The following TPGS1 variants were observed in gnomAD, a reference collection of about 807,000 sequenced individuals.
TPGS1 encodes the protein tubulin polyglutamylase complex subunit 1.
In TPGS1, 18 loss-of-function variants were observed where a neutral mutation model predicts 11.9. That is an observed-to-expected ratio of 1.51 (90% CI 1.04 to 2.24). The LOEUF (loss-of-function observed/expected upper bound fraction) is 2.24, where lower values mean the gene tolerates loss of function less well. Ranked by LOEUF, TPGS1 falls within the 30% of genes most tolerant of loss-of-function variation. The pLI, the probability that TPGS1 is intolerant of heterozygous loss-of-function variation, is 0.00. For missense variants in TPGS1, 500 were observed against 443.0 expected (o/e 1.13, Z -1.16); for synonymous variants, 247 against 218.2 (o/e 1.13, Z -1.16).
intron 1 of TPGS1, among the ~76,000 whole-genome samples, chr19:513,050 CG>C (rs1978847647): frequency 6.6e-6 from 1 of 152,220 alleles, no homozygotes; most frequent in Non-Finnish European, 1.5e-5. Flanking sequence ...GCAAAGCCGC[CG>C]CCGAGACGCT....
chr19:519,246 C>T lies in TPGS1; in HGVS notation c.696C>T (p.Ser232=), dbSNP rs1333830745. 8.1e-7 allele frequency: 1 copy of T among 1,229,112 alleles called. No individual in the cohort carries two copies. Among genetic ancestry groups the T allele is most frequent in the East Asian group, 3.4e-5 (1 of 29,236 alleles). The allele number at this position is 1,229,112 out of a possible 1,614,324, so 76.1% of individuals were successfully genotyped here. ...LDTLEGALQA[S]DAAAPARFLE... ...CCCTGGAGGGCGCGCTGCAGGCCAG[C>T]GACGCCGCCGCGCCCGCGCGCTTCC... is the stretch of plus-strand genomic sequence containing the variant. The change falls in exon 2 of 2, where the codon AGC becomes AGT. Residue 232 remains serine (S), a synonymous_variant. Coordinates refer to ENST00000359315, the MANE Select transcript of TPGS1 (RefSeq NM_033513.3).
Position 507,849 on chromosome 19 carries a change from G to C in TPGS1, c.338+5G>C. ...CCTGGCCCACCACTCCCAGAGGTGC[G>C]CAGTGGGCCGGCTTGGGCGGGTGGG... On this transcript the variant is annotated splice_donor_5th_base_variant and intron_variant, in intron 1 of 1. Coordinates refer to ENST00000359315, the MANE Select transcript of TPGS1 (RefSeq NM_033513.3). 1 of 1,324,476 alleles carries C rather than the reference G, an allele frequency of 7.6e-7. No individual in the cohort carries two copies. Among genetic ancestry groups the C allele is most frequent in the Non-Finnish European group, 9.6e-7 (1 of 1,037,608 alleles). 82.0% of individuals were successfully genotyped at this position (1,324,476 alleles called of 1,614,324 possible). A position where few individuals can be genotyped will look rare whatever the true frequency, so the allele number is the denominator to read the frequency against.
Position 507,540 on chromosome 19 carries a change from C to A in TPGS1, c.34C>A (p.Pro12Thr). 7.0e-7 allele frequency: 1 copy of A among 1,418,472 alleles called. No homozygotes were observed. Among genetic ancestry groups the A allele is most frequent in the Non-Finnish European group, 9.2e-7 (1 of 1,082,340 alleles). The allele number at this position is 1,418,472 out of a possible 1,614,324, so 87.9% of individuals were successfully genotyped here. Residue 12 changes from proline (P) to threonine (T), a missense_variant, in exon 1 of 2, where the codon CCA becomes ACA. Physicochemically the swap from Pro to Thr is conservative, Grantham distance 38. Transcript: ENST00000359315. Reference sequence around the variant, plus strand: ...AGTGGAGAAGCGGCGGCAAGCGGTACCACCGCCGGCCGGTTTCACGGACAG... The same window carrying A: ...AGTGGAGAAGCGGCGGCAAGCGGTAACACCGCCGGCCGGTTTCACGGACAG... ...AAVEKRRQAV[P>T]PPAGFTDSGR...
At chr19:511,104 C>T (rs1005373592) in intron 1 of TPGS1, among the ~76,000 whole-genome samples, 1 of 152,218 alleles carries the variant, frequency 6.6e-6, no homozygotes, top group Admixed American at 6.5e-5. Context: ...GTGTAGGAGC[C>T]GACACAGACG....
rs1266170054 is a variant in TPGS1 at position 519,081 on chromosome 19, G to T, written c.531G>T (p.Pro177=). The T allele has an allele frequency of 2.0e-6, 3 of 1,533,652 alleles. No homozygotes were observed. The highest frequency in any genetic ancestry group is 2.5e-5 in the East Asian group (1 of 40,542). The part of the protein sequence containing the change: ...KVQCRDHEAV[P]LSVFRAGTLT... Reference sequence around the variant, plus strand: ...AGTGCCGTGACCACGAGGCGGTGCCGCTGAGCGTCTTCCGCGCGGGCACAC... The same window carrying T: ...AGTGCCGTGACCACGAGGCGGTGCCTCTGAGCGTCTTCCGCGCGGGCACAC... Residue 177 remains proline (P), a synonymous_variant, in exon 2 of 2, where the codon CCG becomes CCT. Coordinates refer to ENST00000359315, the MANE Select transcript of TPGS1 (RefSeq NM_033513.3).
At chr19:512,546 G>A (rs984908857) in intron 1 of TPGS1, among the ~76,000 whole-genome samples, 3 of 151,912 alleles carry the variant, frequency 2.0e-5, no homozygotes, top group Non-Finnish European at 2.9e-5. Flanking sequence ...GTAGCACGAT[G>A]GCTCTTAACA....
rs537150561 is a variant in TPGS1, at chr19:515,852, G to A, written c.339-3037G>A. Among the ~76,000 whole-genome samples, 51 of 152,052 alleles carry A rather than the reference G, an allele frequency of 3.4e-4. 1 individual carries two copies. The highest frequency in any genetic ancestry group is 1.2e-3 in the African/African-American group (50 of 41,488). ...TCGAGACCATCCCGGCTAAAACGGT[G>A]AAACCCCGTCTCTACTAAAAATACA... On this transcript the variant is annotated intron_variant, in intron 1 of 1. Coordinates refer to ENST00000359315, the MANE Select transcript of TPGS1 (RefSeq NM_033513.3).
chr19:518,781 G>A, intron 1 of TPGS1, 108 bp from the exon 2 acceptor site: 1 of 1,248,366 alleles, frequency 8.0e-7, no homozygotes, highest in Non-Finnish European at 1.0e-6. Flanking sequence ...GGAGGCCAGG[G>A]CTGGCTGGGG....
chr19:512,417 C>T (rs1189786635), intron 1 of TPGS1, among the ~76,000 whole-genome samples: 8 of 152,230 alleles, frequency 5.3e-5, no homozygotes, highest in African/African-American at 1.9e-4. Context: ...CCTGCCTCGG[C>T]CTCCCAAAGT....
intron 1 of TPGS1, among the ~76,000 whole-genome samples, chr19:511,632 A>G (rs1978798287): frequency 6.6e-6 from 1 of 152,262 alleles, no homozygotes; most frequent in Non-Finnish European, 1.5e-5. Flanking sequence ...GGCCTGGGCC[A>G]GGCACAGAGC....
Position 519,069 on chromosome 19 carries a change from C to T in TPGS1, c.519C>T (p.His173=), listed in dbSNP as rs1293203029. 5 of 1,535,956 alleles carry T rather than the reference C, an allele frequency of 3.3e-6. No individual in the cohort carries two copies. Among genetic ancestry groups the T allele is most frequent in the Non-Finnish European group, 2.6e-6 (3 of 1,147,394 alleles). Residue 173 remains histidine, a synonymous_variant, in exon 2 of 2, where the codon CAC becomes CAT. Transcript: ENST00000359315. ...TGCGCAAGGTGCAGTGCCGTGACCA[C>T]GAGGCGGTGCCGCTGAGCGTCTTCC... is the stretch of plus-strand genomic sequence containing the variant. The part of the protein sequence containing the change: ...PLLRKVQCRD[H]EAVPLSVFRA...
intron 1 of TPGS1, among the ~76,000 whole-genome samples, chr19:516,019 G>A (rs1484845722): frequency 3.4e-5 from 5 of 146,338 alleles, no homozygotes; most frequent in East Asian, 2.0e-4. Flanking sequence ...GCGACAGAGC[G>A]AGACTCCGTC....
In TPGS1 at chr19:519,447, G is replaced by A; in HGVS notation, c.*24G>A. 3 of 1,201,236 alleles carry A rather than the reference G, an allele frequency of 2.5e-6. No homozygotes were observed. The highest frequency in any genetic ancestry group is 1.0e-6 in the Non-Finnish European group (1 of 967,102). 74.4% of individuals were successfully genotyped at this position (1,201,236 alleles called of 1,614,324 possible). A position where few individuals can be genotyped will look rare whatever the true frequency, so the allele number is the denominator to read the frequency against. ...GAGGCCCGTGGGCCGCGCGGATCCG[G>A]GATCTGCGCTGGGGGGTCCCCGCGT... On this transcript the variant is annotated 3_prime_UTR_variant, in exon 2 of 2. Transcript: ENST00000359315.
chr19:517,384 G>A, intron 1 of TPGS1, among the ~76,000 whole-genome samples: 1 of 44,634 alleles, frequency 2.2e-5, no homozygotes, highest in Non-Finnish European at 4.4e-5. Flanking sequence ...GCTGGGTGGA[G>A]GCTGGGAGGG....
In TPGS1 at chr19:519,351, GC is replaced by G; in HGVS notation, c.804del (p.Met269Ter). On this transcript the variant is annotated frameshift_variant, in exon 2 of 2. Transcript: ENST00000359315. LOFTEE classifies it high-confidence loss of function. ...RAVGGRRPSA[P>X]MTREEFLERA... ...CCGTCGGGGGGCGGCGGCCCAGCGC[GC>G]CCATGACCCGCGAGGAGTTTCTGGA... The G allele has an allele frequency of 8.3e-7, 1 of 1,205,472 alleles. No individual in the cohort carries two copies. The highest frequency in any genetic ancestry group is 3.9e-5 in the South Asian group (1 of 25,896). The allele number at this position is 1,205,472 out of a possible 1,614,324, so 74.7% of individuals were successfully genotyped here.
At chr19:513,360 T>A (rs1018905797) in intron 1 of TPGS1, among the ~76,000 whole-genome samples, 15 of 152,178 alleles carry the variant, frequency 9.9e-5, no homozygotes, top group African/African-American at 3.6e-4. Flanking sequence ...TACAGCCAGA[T>A]GGGCCTAGAG....
At chr19:513,052 C>G (rs1978847709) in intron 1 of TPGS1, among the ~76,000 whole-genome samples, 1 of 152,244 alleles carries the variant, frequency 6.6e-6, no homozygotes, top group South Asian at 2.1e-4. Flanking sequence ...AAAGCCGCCG[C>G]CGAGACGCTG....
chr19:515,807 T>C (rs1600402848), intron 1 of TPGS1, among the ~76,000 whole-genome samples: 1 of 150,660 alleles, frequency 6.6e-6, no homozygotes, highest in Non-Finnish European at 1.5e-5. Context: ...CCGAGGCGGG[T>C]GGATCACGAG....
intron 1 of TPGS1, chr19:509,859 G>A (rs1283369410): frequency 1.3e-5 from 2 of 152,546 alleles, no homozygotes; most frequent in African/African-American, 4.8e-5. Context: ...TCAGGGCAAG[G>A]GTGGTGCTGG....
Sources: allele counts gnomAD v4.1 joint callset (sites outside exome capture counted in the v4.1 genomes callset), GRCh38; gene constraint gnomAD v4.1.1; transcripts MANE v1.5; gene names NCBI Gene and HGNC (gene_info 2026-07-23, HGNC 2026-07-21).